Variants in ANXA8 observed in about 807,000 individuals in gnomAD.
The protein encoded by ANXA8 is VAC-beta.
In ANXA8, 9 loss-of-function variants were observed where a neutral mutation model predicts 26.8. The ratio of observed to expected loss-of-function variants is 0.34; its 90% CI spans 0.20 to 0.59. ANXA8 has a LOEUF of 0.59. ANXA8 is among the 20% of genes least tolerant of loss of function. The pLI is 0.84. For missense variants in ANXA8, 83 were observed against 238.5 expected, an observed-to-expected ratio of 0.35 and a Z score of 4.29; for synonymous variants, 39 against 94.8, an observed-to-expected ratio of 0.41 and a Z score of 3.42.
chr10:47,535,056 C>T, the ANXA8 span, among the ~76,000 whole-genome samples: 1 of 115,038 alleles, frequency 8.7e-6, no homozygotes, highest in Non-Finnish European at 1.7e-5. Context: ...CTCACTGCAG[C>T]CTCCGCCTCC....
At chr10:47,593,419 A>G in the ANXA8 span, among the ~76,000 whole-genome samples, 2 of 149,902 alleles carry the variant, frequency 1.3e-5, no homozygotes, top group African/African-American at 5.1e-5. Context: ...TTGCAGATGC[A>G]ACAATAGCTC....
the ANXA8 span, among the ~76,000 whole-genome samples, chr10:47,697,155 T>C: frequency 1.3e-5 from 2 of 152,122 alleles, no homozygotes; most frequent in Non-Finnish European, 2.9e-5. Context: ...AACTTGTGGT[T>C]TTGGTCACTG....
At chr10:47,674,753 A>G in the ANXA8 span, among the ~76,000 whole-genome samples, 1 of 151,728 alleles carries the variant, frequency 6.6e-6, no homozygotes, top group Admixed American at 6.6e-5. Flanking sequence ...ATTAGTATGG[A>G]CTTATGGATA....
chr10:47,733,149 CTTTCTTTCTT>C, the ANXA8 span, among the ~76,000 whole-genome samples: 3 of 68,234 alleles, frequency 4.4e-5, no homozygotes, highest in Admixed American at 1.6e-4. Flanking sequence ...CCTAATCTTT[CTTTCTTTCTT>C]TCTTTCTTTC....
the ANXA8 span, among the ~76,000 whole-genome samples, chr10:47,694,621 A>G: frequency 6.6e-6 from 1 of 151,530 alleles, no homozygotes; most frequent in Non-Finnish European, 1.5e-5. Context: ...GGGTTTCACC[A>G]TATTGGCCGG....
the ANXA8 span, among the ~76,000 whole-genome samples, chr10:47,667,925 A>C: frequency 1.3e-4 from 20 of 151,986 alleles, no homozygotes; most frequent in East Asian, 3.9e-3. Flanking sequence ...TTTAGTAGAG[A>C]CAGGGTTTCA....
the ANXA8 span, among the ~76,000 whole-genome samples, chr10:47,595,881 T>C: frequency 6.7e-6 from 1 of 148,234 alleles, no homozygotes; most frequent in South Asian, 2.1e-4. Context: ...AAATAAATTC[T>C]GGACTTAAAT....
the ANXA8 span, among the ~76,000 whole-genome samples, chr10:47,942,356 G>A: frequency 6.9e-6 from 1 of 144,700 alleles, no homozygotes; most frequent in Non-Finnish European, 1.5e-5. Flanking sequence ...GACACCTTTT[G>A]CAAAATTGCT....
chr10:47,652,831 C>G, the ANXA8 span, among the ~76,000 whole-genome samples: 4 of 148,162 alleles, frequency 2.7e-5, no homozygotes, highest in African/African-American at 5.3e-5. Flanking sequence ...AATTAGATTA[C>G]CAGCATATCA....
the ANXA8 span, among the ~76,000 whole-genome samples, chr10:47,677,173 A>C: frequency 6.6e-6 from 1 of 151,546 alleles, no homozygotes; most frequent in Admixed American, 6.6e-5. Flanking sequence ...GTTTTACAGC[A>C]TATATGTGAT....
chr10:47,619,631 G>T, the ANXA8 span, among the ~76,000 whole-genome samples: 500 of 113,816 alleles, frequency 4.4e-3, no homozygotes, highest in East Asian at 0.025. Flanking sequence ...AATCAGAATT[G>T]TTAATGATAG....
chr10:47,771,530 A>C, the ANXA8 span, among the ~76,000 whole-genome samples: 1 of 151,818 alleles, frequency 6.6e-6, no homozygotes, highest in Non-Finnish European at 1.5e-5. Flanking sequence ...CATTCTTTTT[A>C]AAAAATTATT....
At chr10:47,588,520 G>A in the ANXA8 span, among the ~76,000 whole-genome samples, 6 of 140,930 alleles carry the variant, frequency 4.3e-5, no homozygotes, top group Admixed American at 1.4e-4. Flanking sequence ...GTTTTTTCTA[G>A]CATGTGTGAC....
chr10:47,507,699 T>C, the ANXA8 span: 24 of 843,782 alleles, frequency 2.8e-5, 3 homozygotes, highest in Non-Finnish European at 3.3e-5. Context: ...TCAAATCTTC[T>C]AGTTCAGAAC....
the ANXA8 span, among the ~76,000 whole-genome samples, chr10:47,981,029 T>A: frequency 1.3e-5 from 2 of 151,374 alleles, no homozygotes; most frequent in African/African-American, 4.8e-5. Flanking sequence ...ATATCTTTCA[T>A]GAATATTAAT....
the ANXA8 span, among the ~76,000 whole-genome samples, chr10:47,743,261 T>TAC: frequency 1.2e-4 from 14 of 113,208 alleles, no homozygotes; most frequent in South Asian, 2.4e-3. Flanking sequence ...TATATATATA[T>TAC]ATACATATAT....
the ANXA8 span, chr10:47,551,892 T>G: frequency 8.2e-7 from 1 of 1,217,112 alleles, no homozygotes; most frequent in African/African-American, 1.6e-5. Flanking sequence ...TTTTTCTTTC[T>G]GTGTTTCTTC....
the ANXA8 span, among the ~76,000 whole-genome samples, chr10:47,984,753 T>C: frequency 2.8e-5 from 4 of 141,362 alleles, no homozygotes; most frequent in African/African-American, 1.1e-4. Context: ...TCCATCCATT[T>C]AGTTATTTGC....
At chr10:47,699,502 A>G in the ANXA8 span, among the ~76,000 whole-genome samples, 1 of 151,734 alleles carries the variant, frequency 6.6e-6, no homozygotes, top group African/African-American at 2.4e-5. Flanking sequence ...AGATAATTCA[A>G]TGATATAACA....
Sources: gnomAD v4.1 joint callset for allele counts (sites outside exome capture counted in the v4.1 genomes callset) on GRCh38, gnomAD v4.1.1 for gene constraint, MANE v1.5 for transcripts, NCBI Gene and HGNC (gene_info 2026-07-23, HGNC 2026-07-21) for gene names.